FAM13C: variants seen among roughly 807,000 people sequenced by gnomAD.
The protein encoded by FAM13C is protein FAM13C.
In FAM13C, 37 loss-of-function variants were observed where a neutral mutation model predicts 73.2. The ratio of observed to expected loss-of-function variants is 0.51; its 90% confidence interval spans 0.39 to 0.67. The LOEUF (loss-of-function observed/expected upper bound fraction) is 0.67. FAM13C is among the 30% of genes least tolerant of loss of function. FAM13C has a pLI of 0.00. For synonymous variants in FAM13C, 246 were observed against 260.9 expected, an observed-to-expected ratio of 0.94 and a Z score of 0.55; for missense variants, 589 against 715.6, an observed-to-expected ratio of 0.82 and a Z score of 2.02.
At chr10:59,357,570 C>T (rs1855878447) in intron 1 of FAM13C, among the ~76,000 whole-genome samples, 1 of 152,218 alleles carries the variant, frequency 6.6e-6, no homozygotes, top group South Asian at 2.1e-4. Flanking sequence ...GACATTGGAA[C>T]TGTGCTTCGC....
At chr10:59,260,130 C>A (rs1842355850) in intron 10 of FAM13C, among the ~76,000 whole-genome samples, 3 of 151,950 alleles carry the variant, frequency 2.0e-5, no homozygotes, top group Admixed American at 6.6e-5. Flanking sequence ...TTGATTCTAC[C>A]TTCAAAATAT....
intron 8 of FAM13C, among the ~76,000 whole-genome samples, chr10:59,265,082 C>G (rs1842884739): frequency 6.6e-6 from 1 of 151,718 alleles, no homozygotes; most frequent in Non-Finnish European, 1.5e-5. Context: ...AGGAAGATGG[C>G]AGATTTTTAA....
intron 5 of FAM13C, among the ~76,000 whole-genome samples, chr10:59,301,887 A>G (rs1564549275): frequency 6.6e-6 from 1 of 152,230 alleles, no homozygotes; most frequent in African/African-American, 2.4e-5. Flanking sequence ...ACCTTTAGCT[A>G]TTTATTTCTA....
intron 5 of FAM13C, among the ~76,000 whole-genome samples, chr10:59,290,214 C>T (rs539583139): frequency 6.6e-6 from 1 of 152,136 alleles, no homozygotes; most frequent in Non-Finnish European, 1.5e-5. Context: ...TAGAGAACAC[C>T]CACACAGGCT....
intron 5 of FAM13C, among the ~76,000 whole-genome samples, chr10:59,291,810 A>G (rs1160648024): frequency 1.9e-5 from 2 of 105,010 alleles, no homozygotes; most frequent in Admixed American, 2.6e-4. Flanking sequence ...TTTTTTTGAG[A>G]TGGAGTCTTG....
rs899621155 is a variant in FAM13C at position 59,279,162 on chromosome 10, T to C, written c.592+4201A>G. ...ACTTCAGAATCATCAAGGGAGTTTT[T>C]CAAATGTAGGGATTCTTAGGCCTCA... On this transcript the variant is annotated intron_variant, in intron 6 of 13. Transcript: ENST00000618804. Among the ~76,000 whole-genome samples, 4 of 152,226 alleles carry C rather than the reference T, an allele frequency of 2.6e-5. No homozygotes were observed. The East Asian group carries it at 7.7e-4, about 29-fold the overall frequency.
chr10:59,309,604 T>C (rs1848690234), intron 4 of FAM13C, among the ~76,000 whole-genome samples: 1 of 152,222 alleles, frequency 6.6e-6, no homozygotes, highest in South Asian at 2.1e-4. Flanking sequence ...AGTAACTCAT[T>C]CATACTTTAG....
At chr10:59,251,512 C>T (rs1211645815) in intron 13 of FAM13C, 63 bp downstream of exon 13, 16 of 1,446,032 alleles carry the variant, frequency 1.1e-5, no homozygotes, top group Non-Finnish European at 1.5e-5. Context: ...AAAATTGCAG[C>T]TCATTTTTAA....
intron 5 of FAM13C, among the ~76,000 whole-genome samples, chr10:59,299,536 A>T (rs1295856916): frequency 6.7e-6 from 1 of 150,278 alleles, no homozygotes. Context: ...AGGGAAGGAG[A>T]GATTTATTCG....
chr10:59,337,413 A>G (rs962933142), intron 3 of FAM13C, among the ~76,000 whole-genome samples: 1 of 152,228 alleles, frequency 6.6e-6, no homozygotes, highest in Non-Finnish European at 1.5e-5. Flanking sequence ...TTGCCTGGGC[A>G]TGTGCACTAG....
At chr10:59,284,623 A>T (rs1845338852) in intron 5 of FAM13C, among the ~76,000 whole-genome samples, 1 of 143,056 alleles carries the variant, frequency 7.0e-6, no homozygotes, top group Non-Finnish European at 1.5e-5. Context: ...GCCCCTAGTG[A>T]TCACCTCCAT....
rs1845152166 is a variant in FAM13C, at chr10:59,283,360, T to C, written c.592+3A>G. On this transcript the variant is annotated splice_donor_region_variant and intron_variant, in intron 6 of 13. Transcript: ENST00000618804. ...TGGGACAACCCCCAGCCCTGTATCTTACCTGCAGAATCTGTCCCATCGGCA... is the reference window on the plus strand; with the variant it reads ...TGGGACAACCCCCAGCCCTGTATCTCACCTGCAGAATCTGTCCCATCGGCA... 2 of 1,614,114 alleles carry C rather than the reference T, an allele frequency of 1.2e-6. No individual in the cohort carries two copies. Among genetic ancestry groups the C allele is most frequent in the African/African-American group, 2.7e-5 (2 of 75,054 alleles).
chr10:59,266,988 A>G (rs1490962383), intron 8 of FAM13C, among the ~76,000 whole-genome samples: 1 of 152,212 alleles, frequency 6.6e-6, no homozygotes, highest in Admixed American at 6.5e-5. Flanking sequence ...CTTATTTACT[A>G]CTTACAAACT....
chr10:59,308,054 A>G (rs1264702814), intron 4 of FAM13C, among the ~76,000 whole-genome samples: 2 of 152,172 alleles, frequency 1.3e-5, no homozygotes, highest in African/African-American at 4.8e-5. Context: ...ACTCGGTCAC[A>G]CTGAACACTC....
At chr10:59,251,231 C>T (rs915251597) in intron 13 of FAM13C, 7 of 355,470 alleles carry the variant, frequency 2.0e-5, no homozygotes, top group African/African-American at 1.5e-4. Context: ...AAGAAACCAA[C>T]AACAAAGCAG....
chr10:59,246,765 G>T lies in FAM13C; in HGVS notation c.*849C>A, dbSNP rs1157112178. ...TAGATGTTGGAACATTAAGAAAAAT[G>T]TATATTCCCAATGAAAAAATAGTTA... On this transcript the variant is annotated 3_prime_UTR_variant, in exon 14 of 14. Coordinates refer to ENST00000618804, the MANE Select transcript of FAM13C (RefSeq NM_198215.4). 8 of 395,510 alleles carry T rather than the reference G, an allele frequency of 2.0e-5. No homozygotes were observed. Among genetic ancestry groups the T allele is most frequent in the Admixed American group, 4.4e-5 (1 of 22,672 alleles). 24.5% of individuals were successfully genotyped at this position (395,510 alleles called of 1,614,324 possible).
intron 4 of FAM13C, among the ~76,000 whole-genome samples, chr10:59,308,767 A>G (rs1035817225): frequency 1.3e-5 from 2 of 152,198 alleles, no homozygotes; most frequent in Non-Finnish European, 2.9e-5. Context: ...TATGACTACA[A>G]ACTTGTGGAT....
chr10:59,348,889 C>T (rs1388754237), intron 3 of FAM13C, among the ~76,000 whole-genome samples: 1 of 152,168 alleles, frequency 6.6e-6, no homozygotes, highest in Non-Finnish European at 1.5e-5. Context: ...CCGCCTCGGT[C>T]TTACAAAGTG....
chr10:59,303,902 C>A (rs1026175507), intron 4 of FAM13C, among the ~76,000 whole-genome samples: 18 of 152,098 alleles, frequency 1.2e-4, no homozygotes. Flanking sequence ...GTAATCCCAG[C>A]ACTTTGGGAG....
Sources: allele counts gnomAD v4.1 joint callset (sites outside exome capture counted in the v4.1 genomes callset), GRCh38; gene constraint gnomAD v4.1.1; transcripts MANE v1.5; gene names NCBI Gene and HGNC (gene_info 2026-07-23, HGNC 2026-07-21).